Variants in TTC6 observed in about 807,000 individuals in gnomAD.
TTC6 encodes tetratricopeptide repeat domain 6.
TTC6 carries 172 observed loss-of-function variants against 210.4 expected under a neutral mutation model. The ratio of observed to expected loss-of-function variants is 0.82; its 90% CI spans 0.72 to 0.93. The LOEUF is 0.93. Among genes scored for constraint, TTC6 ranks in the 40% least tolerant of loss-of-function variants. TTC6 has a pLI of 0.00. For synonymous variants in TTC6, 804 were observed against 819.6 expected, an observed-to-expected ratio of 0.98 and a Z score of 0.32; for missense variants, 2,414 against 2,318.1, an observed-to-expected ratio of 1.04 and a Z score of -0.85.
At chr14:37,808,238 G>A (rs899386071) in intron 23 of TTC6, among the ~76,000 whole-genome samples, 1 of 152,080 alleles carries the variant, frequency 6.6e-6, no homozygotes, top group African/African-American at 2.4e-5. Context: ...TGCATTATGT[G>A]TTAATTCTAT....
rs572328110 is a variant in TTC6 at position 37,601,856 on chromosome 14, A to G, written c.-234-4807A>G. On this transcript the variant is annotated intron_variant, in intron 1 of 2. Coordinates refer to the TTC6 transcript ENST00000556845. ...ACATTTCACTTTTCCTCGCTGTAGA[A>G]AGGCAGCATCCACACCTTTCAATAG... Among the ~76,000 whole-genome samples the G allele has an allele frequency of 4.9e-4, 75 of 152,290 alleles. No individual in the cohort carries two copies. The Middle Eastern group carries it at 0.034, about 70-fold the overall frequency.
chr14:37,758,899 A>G (rs1368293904), intron 14 of TTC6, among the ~76,000 whole-genome samples: 1 of 152,180 alleles, frequency 6.6e-6, no homozygotes, highest in African/African-American at 2.4e-5. Context: ...AAAATCCATC[A>G]TCATTTGCTT....
chr14:37,740,827 T>G (rs933844196), intron 10 of TTC6, among the ~76,000 whole-genome samples: 1 of 152,160 alleles, frequency 6.6e-6, no homozygotes, highest in Non-Finnish European at 1.5e-5. Flanking sequence ...TTACTGATTT[T>G]AAAGTATTAT....
At chr14:37,639,445 T>C (rs929087194) in intron 1 of TTC6, among the ~76,000 whole-genome samples, 1 of 152,242 alleles carries the variant, frequency 6.6e-6, no homozygotes, top group Admixed American at 6.5e-5. Flanking sequence ...AATGATATAA[T>C]AATTAAGAAG....
intron 1 of TTC6, among the ~76,000 whole-genome samples, chr14:37,639,233 G>A (rs1321129158): frequency 6.6e-6 from 1 of 152,140 alleles, no homozygotes; most frequent in Non-Finnish European, 1.5e-5. Flanking sequence ...CACATTGAAG[G>A]TATAAATCAA....
At chr14:37,737,799 C>A in intron 9 of TTC6, 65 bp downstream of exon 11, 2 of 846,428 alleles carry the variant, frequency 2.4e-6, no homozygotes, top group Non-Finnish European at 3.4e-6. Flanking sequence ...ATAATAATCA[C>A]CTTATTTTTT....
chr14:37,624,976 G>A (rs1052864526), intron 1 of TTC6, among the ~76,000 whole-genome samples: 21 of 152,092 alleles, frequency 1.4e-4, no homozygotes, highest in African/African-American at 4.6e-4. Context: ...ATGTCGGAGA[G>A]TGGCATGGAT....
At chr14:37,785,774 T>C (rs957628053) in intron 14 of TTC6, among the ~76,000 whole-genome samples, 3 of 152,202 alleles carry the variant, frequency 2.0e-5, no homozygotes, top group Non-Finnish European at 4.4e-5. Flanking sequence ...TCTTTGGTCT[T>C]TGGTGATGGT....
At chr14:37,707,957 G>T (rs1417951369) in intron 5 of TTC6, among the ~76,000 whole-genome samples, 2 of 151,970 alleles carry the variant, frequency 1.3e-5, no homozygotes, top group Admixed American at 1.3e-4. Flanking sequence ...TTGGGGGTGG[G>T]ATGGGACAAG....
At chr14:37,726,620 A>G (rs898517475) in intron 7 of TTC6, among the ~76,000 whole-genome samples, 2 of 152,022 alleles carry the variant, frequency 1.3e-5, no homozygotes, top group Admixed American at 1.3e-4. Flanking sequence ...TTATAAGGTT[A>G]ACTGGATAGC....
chr14:37,780,410 C>T (rs538181601), intron 14 of TTC6, among the ~76,000 whole-genome samples: 1 of 152,174 alleles, frequency 6.6e-6, no homozygotes, highest in Non-Finnish European at 1.5e-5. Flanking sequence ...CCTCACCCCT[C>T]TTCTGACAGG....
chr14:37,700,488 A>T (rs1466948180), intron 4 of TTC6, among the ~76,000 whole-genome samples: 1 of 152,040 alleles, frequency 6.6e-6, no homozygotes, highest in African/African-American at 2.4e-5. Context: ...CACGCCTGTA[A>T]TCCCAGCACT....
chr14:37,695,600 G>A (rs917620504), intron 3 of TTC6, among the ~76,000 whole-genome samples: 2 of 152,060 alleles, frequency 1.3e-5, no homozygotes, highest in East Asian at 1.9e-4. Flanking sequence ...TGATCTGCCC[G>A]CCTTGGCCTC....
At chr14:37,795,778 G>C (rs187871480) in intron 18 of TTC6, among the ~76,000 whole-genome samples, 5 of 152,212 alleles carry the variant, frequency 3.3e-5, no homozygotes, top group Admixed American at 6.5e-5. Flanking sequence ...ATTTCTACAG[G>C]TACTGCCTAC....
intron 17 of TTC6, among the ~76,000 whole-genome samples, chr14:37,792,777 TGTGTGTG>T (rs1333755960): frequency 3.3e-4 from 6 of 18,366 alleles, no homozygotes; most frequent in African/African-American, 2.7e-3. Context: ...GGTCCAATGT[TGTGTGTG>T]TGTGTGTGTG....
chr14:37,749,284 G>T, exon 11 of TTC6: 2 of 1,523,006 alleles, frequency 1.3e-6, no homozygotes, highest in Non-Finnish European at 1.8e-6. Flanking sequence ...CTGAAGTGAA[G>T]ATTTTGACTG....
chr14:37,615,436 G>A (rs975508814), intron 2 of TTC6, among the ~76,000 whole-genome samples: 34 of 152,026 alleles, frequency 2.2e-4, no homozygotes, highest in South Asian at 1.5e-3. Flanking sequence ...GAATGTTAGC[G>A]CTTTTTGGTA....
At chr14:37,703,964 A>G (rs1401767013) in intron 5 of TTC6, among the ~76,000 whole-genome samples, 1 of 152,196 alleles carries the variant, frequency 6.6e-6, no homozygotes, top group Non-Finnish European at 1.5e-5. Context: ...CTTGGTGAAT[A>G]GCCTTTCGGA....
chr14:37,707,947 T>C (rs775434967), intron 5 of TTC6, among the ~76,000 whole-genome samples: 3 of 151,944 alleles, frequency 2.0e-5, no homozygotes, highest in African/African-American at 4.8e-5. Flanking sequence ...CTGAAAGGCA[T>C]TGGGGGTGGG....
Sources: gnomAD v4.1 joint callset for allele counts (sites outside exome capture counted in the v4.1 genomes callset) on GRCh38, gnomAD v4.1.1 for gene constraint, MANE v1.5 for transcripts, NCBI Gene and HGNC (gene_info 2026-07-23, HGNC 2026-07-21) for gene names.